Variants in SLC5A5 observed in about 807,000 individuals in gnomAD.
SLC5A5 encodes the protein solute carrier family 5 member 5.
In SLC5A5, 56 loss-of-function variants were observed where a neutral mutation model predicts 68.6. That is an observed-to-expected ratio of 0.82 (90% CI 0.66 to 1.02). The LOEUF (loss-of-function observed/expected upper bound fraction) is 1.02, where lower values mean the gene tolerates loss of function less well. Among genes scored for constraint, SLC5A5 ranks in the 50% least tolerant of loss-of-function variants. The probability of loss-of-function intolerance (pLI) is 0.00; values close to 1 mark genes in which losing one functional copy is unlikely to be tolerated. For missense variants in SLC5A5, 807 were observed against 859.8 expected (o/e 0.94, Z 0.77); for synonymous variants, 398 against 373.0 (o/e 1.07, Z -0.77).
chr19:17,877,707 C>A lies in SLC5A5; in HGVS notation c.699-16C>A. On this transcript the variant is annotated splice_polypyrimidine_tract_variant and intron_variant, in intron 5 of 14. Transcript: ENST00000222248. Reference sequence around the variant, plus strand: ...GTGACATCTCCACGTGGCTAACTTGCCCTGTCCCCACCCAGCTTTAACCCT... The same window carrying A: ...GTGACATCTCCACGTGGCTAACTTGACCTGTCCCCACCCAGCTTTAACCCT... 6.2e-7 allele frequency: 1 copy of A among 1,613,792 alleles called. No homozygotes were observed.
chr19:17,876,086 C>G lies in SLC5A5; in HGVS notation c.678C>G (p.His226Gln). ...AGGTGCTCACGCTGGCCCAGAACCA[C>G]TCCCGGATCAACCTCATGGAGTGAG... ...PRQVLTLAQNHSRINLMDFNP... is the reference protein window; with the variant it reads ...PRQVLTLAQNQSRINLMDFNP... Residue 226 changes from histidine (H) to glutamine (Q), a missense_variant, in exon 5 of 15, where the codon CAC (histidine) becomes CAG (glutamine). His to Gln is a conservative substitution (Grantham distance 24). Coordinates refer to ENST00000222248, the MANE Select transcript of SLC5A5 (RefSeq NM_000453.3). 1 of 1,614,168 alleles carries G rather than the reference C, an allele frequency of 6.2e-7. No homozygotes were observed. Among genetic ancestry groups the G allele is most frequent in the South Asian group, 1.1e-5 (1 of 91,086 alleles).
At position 17,874,507 on chromosome 19, in the gene SLC5A5, G is replaced by A; in HGVS notation, c.437G>A (p.Gly146Asp). ...QYIVATMLYT[G>D]IVIYAPALIL... The stretch of plus-strand genomic sequence containing the variant: ...CTCTGTCTACAGATGCTGTACACCG[G>A]CATCGTAATCTACGCACCGGCCCTC... The change falls in exon 3 of 15, where the codon GGC (glycine) becomes GAC (aspartate). Residue 146 changes from glycine (G) to aspartate (D), a missense_variant. Gly to Asp is a moderately conservative substitution (Grantham distance 94, BLOSUM62 -1). Coordinates refer to ENST00000222248, the MANE Select transcript of SLC5A5 (RefSeq NM_000453.3). 1.2e-6 allele frequency: 2 copies of A among 1,613,950 alleles called. No homozygotes were observed. The highest frequency in any genetic ancestry group is 2.2e-5 in the South Asian group (2 of 91,066).
In SLC5A5 at chr19:17,883,776, G is replaced by C. The variant is rs749489385; in HGVS notation, c.1329+9G>C. 4.3e-6 allele frequency: 7 copies of C among 1,612,042 alleles called. No homozygotes were observed. The South Asian group carries it at 7.7e-5, about 18-fold the overall frequency. On this transcript the variant is annotated intron_variant, in intron 11 of 14. Coordinates refer to ENST00000222248, the MANE Select transcript of SLC5A5 (RefSeq NM_000453.3). ...CGGCCTGCAACACACCGGTGAGTGG[G>C]GGCGGGGCAAGGGGCGGGGAGGGGC... is the stretch of plus-strand genomic sequence containing the variant.
intron 8 of SLC5A5, among the ~76,000 whole-genome samples, chr19:17,881,641 C>T (rs904828709): frequency 4.6e-5 from 7 of 152,226 alleles, no homozygotes; most frequent in Non-Finnish European, 7.3e-5. Context: ...CAAGGCCACA[C>T]ACTCAGGTGG....
chr19:17,886,870 A>T (rs2147748968), intron 12 of SLC5A5, among the ~76,000 whole-genome samples: 1 of 152,210 alleles, frequency 6.6e-6, no homozygotes, highest in Non-Finnish European at 1.5e-5. Context: ...CCCTTTGCCC[A>T]TCCAGCCTGG....
At chr19:17,888,530 G>A in intron 13 of SLC5A5, 75 bp downstream of exon 13, 3 of 1,561,858 alleles carry the variant, frequency 1.9e-6, no homozygotes, top group South Asian at 2.2e-5. Context: ...CCAGCAGGGA[G>A]GGGAGAAAGG....
intron 13 of SLC5A5, 133 bp downstream of exon 13, chr19:17,888,588 CTTATTATTA>C (rs10651875): frequency 1.4e-4 from 65 of 469,480 alleles, no homozygotes; most frequent in Middle Eastern, 5.8e-4. Context: ...ACATTTGTAC[CTTATTATTA>C]TTATTATTAT....
At chr19:17,889,010 G>C (rs925572512) in intron 13 of SLC5A5, among the ~76,000 whole-genome samples, 1 of 151,294 alleles carries the variant, frequency 6.6e-6, no homozygotes, top group Admixed American at 6.6e-5. Flanking sequence ...ACTTTTATGT[G>C]TATATATACA....
intron 4 of SLC5A5, 70 bp downstream of exon 4, chr19:17,874,801 G>T: frequency 6.8e-7 from 1 of 1,476,142 alleles, no homozygotes. Context: ...GGAGACTCTG[G>T]GCTTGCCCCT....
intron 10 of SLC5A5, 85 bp from the exon 11 acceptor site, chr19:17,883,596 A>C: frequency 9.3e-7 from 1 of 1,080,200 alleles, no homozygotes; most frequent in South Asian, 1.2e-5. Flanking sequence ...GGAGTTCCTG[A>C]GGTCTCGCTT....
chr19:17,878,988 A>C (rs111630589), intron 7 of SLC5A5, among the ~76,000 whole-genome samples: 2,235 of 146,736 alleles, frequency 0.015, 109 homozygotes, highest in African/African-American at 0.053. Flanking sequence ...AAAAAAAAAA[A>C]CAAAAAAAAA....
intron 1 of SLC5A5, among the ~76,000 whole-genome samples, chr19:17,872,991 C>A (rs998003409): frequency 6.6e-6 from 1 of 152,168 alleles, no homozygotes; most frequent in African/African-American, 2.4e-5. Flanking sequence ...CCTGCCCGGG[C>A]GTGCAGACCC....
intron 13 of SLC5A5, among the ~76,000 whole-genome samples, chr19:17,889,511 A>C (rs1230368136): frequency 6.6e-6 from 1 of 152,100 alleles, no homozygotes; most frequent in African/African-American, 2.4e-5. Flanking sequence ...TCTCACTGTT[A>C]CCCAGACTGG....
At chr19:17,875,561 G>C (rs191381524) in intron 4 of SLC5A5, among the ~76,000 whole-genome samples, 76 of 150,896 alleles carry the variant, frequency 5.0e-4, no homozygotes, top group African/African-American at 1.8e-3. Flanking sequence ...CCAGGGGTTC[G>C]AGACCAGCCT....
Position 17,894,007 on chromosome 19 carries a change from A to G in SLC5A5, c.*130A>G, listed in dbSNP as rs532170177. 5.0e-3 allele frequency: 4,607 copies of G among 914,110 alleles called. 17 individuals are homozygous for G. The highest frequency in any genetic ancestry group is 7.0e-3 in the Non-Finnish European group (4,051 of 578,044). 56.6% of individuals were successfully genotyped at this position (914,110 alleles called of 1,614,324 possible). On this transcript the variant is annotated 3_prime_UTR_variant, in exon 15 of 15. Transcript: ENST00000222248. ...TGTATGCAAATGAGTTCAGGACTACAATACCCTACCCTATGGGGAGGCCCT... is the reference window on the plus strand; with the variant it reads ...TGTATGCAAATGAGTTCAGGACTACGATACCCTACCCTATGGGGAGGCCCT...
At chr19:17,890,546 C>T (rs954279800) in intron 13 of SLC5A5, among the ~76,000 whole-genome samples, 1 of 152,166 alleles carries the variant, frequency 6.6e-6, no homozygotes, top group African/African-American at 2.4e-5. Flanking sequence ...CACACACCAC[C>T]ATGCCTGGCT....
At chr19:17,877,335 A>C (rs1025778952) in intron 5 of SLC5A5, among the ~76,000 whole-genome samples, 76 of 148,486 alleles carry the variant, frequency 5.1e-4, no homozygotes, top group African/African-American at 1.8e-3. Context: ...TTTGAGATGG[A>C]GTCTCGCTCT....
rs4808707 is a variant in SLC5A5, at chr19:17,886,722, A to G, written c.1527-1609A>G. On this transcript the variant is annotated intron_variant, in intron 12 of 14. Coordinates refer to ENST00000222248, the MANE Select transcript of SLC5A5 (RefSeq NM_000453.3). ...CTTCTCCACGTCCTCGCCAATACTC[A>G]TTATTCTCCATCCTAGTGGGTGTGA... Among the ~76,000 whole-genome samples, 889 of 152,200 alleles carry G rather than the reference A, an allele frequency of 5.8e-3. 56 individuals carry two copies. In the South Asian group the frequency reaches 0.13, roughly 22 times the overall value.
chr19:17,889,413 A>G (rs12459478), intron 13 of SLC5A5, among the ~76,000 whole-genome samples: 8 of 137,718 alleles, frequency 5.8e-5, no homozygotes, highest in East Asian at 4.3e-4. Context: ...AAAGAAAGAA[A>G]GAAGGAAGGA....
Sources: allele counts gnomAD v4.1 joint callset (sites outside exome capture counted in the v4.1 genomes callset), GRCh38; gene constraint gnomAD v4.1.1; transcripts MANE v1.5; gene names NCBI Gene and HGNC (gene_info 2026-07-23, HGNC 2026-07-21).